Variants in RIC1 observed in about 807,000 individuals in gnomAD.
RIC1 encodes RIC1 partner of RAB6A GEF complex.
Under a neutral mutation model 169.0 loss-of-function variants are expected in RIC1, and 88 were observed. That is an observed-to-expected ratio of 0.52 (90% CI 0.44 to 0.62). The LOEUF (loss-of-function observed/expected upper bound fraction) is 0.62. Among genes scored for constraint, RIC1 ranks in the 20% least tolerant of loss-of-function variants. The pLI, the probability that RIC1 is intolerant of heterozygous loss-of-function variation, is 0.00. For synonymous variants in RIC1, 790 were observed against 601.5 expected (o/e 1.31, Z -4.59); for missense variants, 1,877 against 1,725.5 (o/e 1.09, Z -1.56).
intron 6 of RIC1, among the ~76,000 whole-genome samples, chr9:5,721,410 C>T: frequency 6.6e-6 from 1 of 152,184 alleles, no homozygotes; most frequent in East Asian, 1.9e-4. Flanking sequence ...AACAGGCTCC[C>T]ACTTCACAGA....
intron 1 of RIC1, among the ~76,000 whole-genome samples, chr9:5,630,346 A>G (rs1483877113): frequency 6.6e-6 from 1 of 152,212 alleles, no homozygotes; most frequent in Non-Finnish European, 1.5e-5. Flanking sequence ...TTCCTCCCCA[A>G]AGAAGGCAGT....
chr9:5,667,459 T>C (rs1819842018), intron 2 of RIC1, among the ~76,000 whole-genome samples: 1 of 152,168 alleles, frequency 6.6e-6, no homozygotes, highest in Non-Finnish European at 1.5e-5. Flanking sequence ...AGTTATTTTA[T>C]GTGCACATTT....
At chr9:5,634,774 A>G (rs1022781166) in intron 1 of RIC1, among the ~76,000 whole-genome samples, 1 of 152,106 alleles carries the variant, frequency 6.6e-6, no homozygotes, top group African/African-American at 2.4e-5. Flanking sequence ...ATGTCATCCA[A>G]AATACCATCG....
chr9:5,638,793 ATTTTC>A (rs751419482), intron 1 of RIC1, among the ~76,000 whole-genome samples: 9 of 151,722 alleles, frequency 5.9e-5, no homozygotes, highest in Non-Finnish European at 1.2e-4. Context: ...CTTTTGCATT[ATTTTC>A]TTCATTTCAA....
At chr9:5,638,604 A>C (rs1249960435) in intron 1 of RIC1, among the ~76,000 whole-genome samples, 4 of 151,898 alleles carry the variant, frequency 2.6e-5, no homozygotes, top group Non-Finnish European at 5.9e-5. Flanking sequence ...TTTCCTCTAG[A>C]TTTTCCAGTT....
intron 3 of RIC1, among the ~76,000 whole-genome samples, chr9:5,707,530 T>C (rs552940874): frequency 6.6e-6 from 1 of 152,282 alleles, no homozygotes; most frequent in East Asian, 1.9e-4. Flanking sequence ...TTTCTTCATA[T>C]ATTAATATTT....
intron 3 of RIC1, among the ~76,000 whole-genome samples, chr9:5,704,681 AG>A (rs1463382079): frequency 2.6e-5 from 4 of 152,084 alleles, no homozygotes; most frequent in Non-Finnish European, 4.4e-5. Flanking sequence ...ATTTTGATGA[AG>A]TCCAATTTAT....
intron 7 of RIC1, 84 bp from the exon 8 acceptor site, chr9:5,738,366 C>T (rs1824860912): frequency 1.1e-6 from 1 of 911,190 alleles, no homozygotes; most frequent in Non-Finnish European, 1.7e-6. Flanking sequence ...ACACTCCCAC[C>T]AGCAAAACAT....
At chr9:5,652,207 C>G (rs1818843918) in intron 1 of RIC1, among the ~76,000 whole-genome samples, 1 of 152,086 alleles carries the variant, frequency 6.6e-6, no homozygotes, top group Admixed American at 6.6e-5. Flanking sequence ...CTCTGTGGTT[C>G]AGTATGAATT....
Position 5,765,411 on chromosome 9 carries a change from T to C in RIC1, c.2842-3T>C, listed in dbSNP as rs1293340605. ...AGAATGCTGTCCTGGTTGTTTTTTG[T>C]AGAATATGGAAGTCCCTGCAGTAAG... On this transcript the variant is annotated splice_region_variant and splice_polypyrimidine_tract_variant and intron_variant, in intron 19 of 25. Coordinates refer to ENST00000414202, the MANE Select transcript of RIC1 (RefSeq NM_020829.4). The C allele has an allele frequency of 3.7e-6, 6 of 1,609,234 alleles. No individual in the cohort carries two copies. The highest frequency in any genetic ancestry group is 1.1e-5 in the South Asian group (1 of 90,088).
chr9:5,704,852 A>G (rs1468897631), intron 3 of RIC1, among the ~76,000 whole-genome samples: 1 of 152,068 alleles, frequency 6.6e-6, no homozygotes, highest in East Asian at 1.9e-4. Context: ...TTTACTTATG[A>G]TGTGAGATAA....
At chr9:5,719,490 G>GTA in intron 4 of RIC1, 1 of 152,336 alleles carries the variant, frequency 6.6e-6, no homozygotes, top group East Asian at 1.9e-4. Context: ...CCAGCACACA[G>GTA]TATAGCACCT....
intron 18 of RIC1, 141 bp from the exon 19 acceptor site, chr9:5,762,999 C>G (rs1369709625): frequency 1.3e-5 from 13 of 1,021,768 alleles, no homozygotes; most frequent in Admixed American, 2.9e-5. Context: ...TTTATTAACT[C>G]TAATTCTAAT....
At chr9:5,751,731 T>C (rs956367494) in intron 12 of RIC1, among the ~76,000 whole-genome samples, 1 of 152,220 alleles carries the variant, frequency 6.6e-6, no homozygotes, top group African/African-American at 2.4e-5. Context: ...TTAATAAGTA[T>C]AACAAATAAT....
rs537509468 is a variant in RIC1 at position 5,671,425 on chromosome 9, G to A, written c.252+14735G>A. Among the ~76,000 whole-genome samples, 10 of 151,992 alleles carry A rather than the reference G, an allele frequency of 6.6e-5. No individual in the cohort carries two copies. The East Asian group carries it at 9.7e-4, about 15-fold the overall frequency. The stretch of plus-strand genomic sequence containing the variant: ...CAAGTAGTTGGGATTACAGGTGCTC[G>A]CCACCAGGCCCAACTAATTTTTGTA... On this transcript the variant is annotated intron_variant, in intron 2 of 25. Transcript: ENST00000414202.
chr9:5,745,897 TCTGA>T (rs768763372), intron 10 of RIC1, 30 bp from the exon 11 acceptor site: 7 of 1,584,754 alleles, frequency 4.4e-6, no homozygotes, highest in Non-Finnish European at 4.3e-6. Context: ...CTTTTATTGC[TCTGA>T]CTTTTTTTCT....
intron 2 of RIC1, among the ~76,000 whole-genome samples, chr9:5,666,810 C>A (rs1819797950): frequency 1.5e-5 from 1 of 67,906 alleles, no homozygotes; most frequent in African/African-American, 4.4e-5. Context: ...ATATTGATTA[C>A]CAAAACTCAA....
chr9:5,740,869 A>G (rs995258255), intron 8 of RIC1, among the ~76,000 whole-genome samples: 4 of 152,074 alleles, frequency 2.6e-5, no homozygotes, highest in Non-Finnish European at 5.9e-5. Context: ...AACCATCACA[A>G]TTAGGATATT....
At chr9:5,754,750 C>T in intron 14 of RIC1, 91 bp from the exon 15 acceptor site, 2 of 745,314 alleles carry the variant, frequency 2.7e-6, no homozygotes, top group Non-Finnish European at 4.2e-6. Context: ...ATAATTTGAG[C>T]TTTGTCTGGG....
Sources: allele counts gnomAD v4.1 joint callset (sites outside exome capture counted in the v4.1 genomes callset), GRCh38; gene constraint gnomAD v4.1.1; transcripts MANE v1.5; gene names NCBI Gene and HGNC (gene_info 2026-07-23, HGNC 2026-07-21).